Variants in NNT observed in about 807,000 individuals in gnomAD.
NNT encodes NAD(P) transhydrogenase, mitochondrial.
A neutral mutation model predicts 104.8 loss-of-function variants in NNT; 50 were observed. The observed-to-expected ratio is 0.48, with a 90% CI of 0.38 to 0.60. NNT has a LOEUF of 0.60. NNT is among the 20% of genes least tolerant of loss of function. The pLI is 0.00. For synonymous variants in NNT, 461 were observed against 490.4 expected, an observed-to-expected ratio of 0.94 and a Z score of 0.79; for missense variants, 1,131 against 1,330.7, an observed-to-expected ratio of 0.85 and a Z score of 2.33.
At chr5:43,682,296 C>T (rs1482592055) in intron 19 of NNT, among the ~76,000 whole-genome samples, 10 of 146,548 alleles carry the variant, frequency 6.8e-5, no homozygotes, top group South Asian at 2.2e-4. Flanking sequence ...CTGCAACCTC[C>T]GCCTCCTAGG....
chr5:43,698,425 C>T (rs1042851058), intron 19 of NNT, among the ~76,000 whole-genome samples: 9 of 151,904 alleles, frequency 5.9e-5, no homozygotes, highest in African/African-American at 2.2e-4. Context: ...CTACGTGGTT[C>T]CAGTCTGAGT....
rs939619098 is a variant in NNT, at chr5:43,677,920, C to T, written c.2876+114C>T. On this transcript the variant is annotated intron_variant, in intron 19 of 21. Coordinates refer to ENST00000344920, the MANE Select transcript of NNT (RefSeq NM_182977.3). ...GGGTTAGGGCACTGACCCGCCCATA[C>T]AATTAAAAATCCATATATAACTTTT... The T allele has an allele frequency of 4.4e-5, 34 of 764,476 alleles. No individual in the cohort carries two copies. In the African/African-American group the frequency reaches 5.5e-4, roughly 12 times the overall value. 47.4% of individuals were successfully genotyped at this position (764,476 alleles called of 1,614,324 possible). A position where few individuals can be genotyped will look rare whatever the true frequency, so the allele number is the denominator to read the frequency against.
intron 14 of NNT, chr5:43,653,487 G>A: frequency 6.4e-6 from 2 of 314,182 alleles, no homozygotes; most frequent in South Asian, 5.4e-5. Flanking sequence ...TGGGGGATTG[G>A]AATCCTTATG....
chr5:43,670,022 G>T lies in NNT; in HGVS notation c.2635-5489G>T, dbSNP rs1296806002. On this transcript the variant is annotated intron_variant, in intron 17 of 21. Coordinates refer to ENST00000344920, the MANE Select transcript of NNT (RefSeq NM_182977.3). ...GGTTTAGTCTTGGGAGGGTGTATGTGTCCAGGAATTTATCCATTTCTTCTA... is the reference window on the plus strand; with the variant it reads ...GGTTTAGTCTTGGGAGGGTGTATGTTTCCAGGAATTTATCCATTTCTTCTA... 3.9e-5 allele frequency among the ~76,000 whole-genome samples: 6 copies of T among 152,218 alleles called. No homozygotes were observed. In the East Asian group the frequency reaches 1.2e-3, roughly 29 times the overall value.
intron 17 of NNT, among the ~76,000 whole-genome samples, chr5:43,669,039 G>A (rs1740883884): frequency 6.6e-6 from 1 of 152,120 alleles, no homozygotes; most frequent in African/African-American, 2.4e-5. Context: ...TCTCTTTGAA[G>A]CAATTGTGAA....
At chr5:43,676,880 T>C (rs993459142) in intron 18 of NNT, among the ~76,000 whole-genome samples, 1 of 151,994 alleles carries the variant, frequency 6.6e-6, no homozygotes, top group African/African-American at 2.4e-5. Flanking sequence ...ATAGATGGTG[T>C]TGGGATGGGA....
chr5:43,651,236 G>A (rs1554050136), intron 12 of NNT, among the ~76,000 whole-genome samples: 1 of 152,002 alleles, frequency 6.6e-6, no homozygotes, highest in Non-Finnish European at 1.5e-5. Context: ...TATATTTAGT[G>A]TTTTTTCCCC....
In NNT at chr5:43,612,931, G is replaced by A; in HGVS notation, c.175G>A (p.Val59Ile). The A allele has an allele frequency of 1.2e-6, 2 of 1,613,442 alleles. No homozygotes were observed. Among genetic ancestry groups the A allele is most frequent in the Non-Finnish European group, 1.7e-6 (2 of 1,179,482 alleles). The change falls in exon 3 of 22, where the codon GTT (valine) becomes ATT (isoleucine). Residue 59 changes from valine to isoleucine, a missense_variant. Val to Ile is a conservative substitution (Grantham distance 29). Coordinates refer to ENST00000344920, the MANE Select transcript of NNT (RefSeq NM_182977.3). ...KPGIPYKQLT[V>I]GVPKEIFQNE... ...AGGAATTCCATATAAGCAACTGACT[G>A]TTGGAGTCCCCAAAGAGATATTCCA...
At chr5:43,681,851 G>T (rs1741736136) in intron 19 of NNT, among the ~76,000 whole-genome samples, 1 of 152,180 alleles carries the variant, frequency 6.6e-6, no homozygotes, top group Non-Finnish European at 1.5e-5. Flanking sequence ...TTATAGTTAT[G>T]AAGAAATCTC....
intron 6 of NNT, 121 bp downstream of exon 6, chr5:43,624,241 C>G (rs1256839066): frequency 1.2e-6 from 1 of 828,318 alleles, no homozygotes; most frequent in Non-Finnish European, 2.0e-6. Flanking sequence ...AAGCTCTTTC[C>G]ATTTAAAAAT....
At chr5:43,666,969 A>T in intron 17 of NNT, 7 of 1,593,400 alleles carry the variant, frequency 4.4e-6, no homozygotes, top group Non-Finnish European at 5.9e-6. Flanking sequence ...TGCGGCTGAC[A>T]CCCTTTGGGA....
At chr5:43,678,564 G>A (rs536665607) in intron 19 of NNT, among the ~76,000 whole-genome samples, 4 of 152,316 alleles carry the variant, frequency 2.6e-5, no homozygotes, top group South Asian at 4.1e-4. Flanking sequence ...GAGGTCAAGC[G>A]AAGCATTTTA....
intron 19 of NNT, among the ~76,000 whole-genome samples, chr5:43,689,839 A>C (rs1742170775): frequency 6.6e-6 from 1 of 152,228 alleles, no homozygotes; most frequent in Admixed American, 6.5e-5. Flanking sequence ...ACCTCTGGAA[A>C]TTAAGGACAC....
In NNT at chr5:43,644,192, G is replaced by A; in HGVS notation, c.965G>A (p.Gly322Asp). The A allele has an allele frequency of 2.5e-6, 4 of 1,599,948 alleles. No individual in the cohort carries two copies. Among genetic ancestry groups the A allele is most frequent in the Non-Finnish European group, 3.4e-6 (4 of 1,174,718 alleles). Residue 322 changes from glycine (G) to aspartate (D), a missense_variant and splice_region_variant, in exon 8 of 22, where the codon GGT (glycine) becomes GAT (aspartate). Coordinates refer to ENST00000344920, the MANE Select transcript of NNT (RefSeq NM_182977.3). The part of the protein sequence containing the change: ...DILISTALIP[G>D]KKAPVLFNKE... Reference sequence around the variant, plus strand: ...GTGCTGCTTTCTTTGATTTTATTAGGTAAAAAAGCTCCAGTTTTATTTAAT... The same window carrying A: ...GTGCTGCTTTCTTTGATTTTATTAGATAAAAAAGCTCCAGTTTTATTTAAT...
intron 17 of NNT, among the ~76,000 whole-genome samples, chr5:43,669,201 A>G (rs1363165845): frequency 6.6e-6 from 1 of 152,126 alleles, no homozygotes; most frequent in East Asian, 1.9e-4. Context: ...GGGGTTTTCT[A>G]GATATACAAT....
intron 17 of NNT, among the ~76,000 whole-genome samples, chr5:43,672,711 A>T (rs908927935): frequency 6.6e-6 from 1 of 152,228 alleles, no homozygotes; most frequent in Non-Finnish European, 1.5e-5. Flanking sequence ...GGTGCCTCCC[A>T]GTTAGGCTAC....
intron 17 of NNT, chr5:43,666,818 C>G: frequency 1.5e-6 from 2 of 1,361,290 alleles, no homozygotes; most frequent in Non-Finnish European, 2.1e-6. Flanking sequence ...TGAGCTGGAA[C>G]TGAAGCTGGA....
rs1740057104 is a variant in NNT, at chr5:43,656,546, C to T, written c.2294-107C>T. ...ATAATATATGTGAACTAAACAGCAT[C>T]CTCATAATCCTTGGTTAGAGATGAC... is the stretch of plus-strand genomic sequence containing the variant. On this transcript the variant is annotated intron_variant, in intron 15 of 21. Transcript: ENST00000344920. The T allele has an allele frequency of 3.8e-6, 4 of 1,045,414 alleles. No homozygotes were observed. The Admixed American group carries it at 1.1e-4, about 29-fold the overall frequency. The allele number at this position is 1,045,414 out of a possible 1,614,324, so 64.8% of individuals were successfully genotyped here.
At position 43,704,539 on chromosome 5, in the gene NNT, G is replaced by A. The variant is rs1044522730; in HGVS notation, c.*135G>A. The A allele has an allele frequency of 1.2e-6, 1 of 827,730 alleles. No homozygotes were observed. Among genetic ancestry groups the A allele is most frequent in the Non-Finnish European group, 1.8e-6 (1 of 560,094 alleles). 51.3% of individuals were successfully genotyped at this position (827,730 alleles called of 1,614,324 possible). A position where few individuals can be genotyped will look rare whatever the true frequency, so the allele number is the denominator to read the frequency against. Reference sequence around the variant, plus strand: ...GAAAATGAAGACTGAAGAAAGCAAAGCAAAAACTGTATAGAGAGATTTTTC... The same window carrying A: ...GAAAATGAAGACTGAAGAAAGCAAAACAAAAACTGTATAGAGAGATTTTTC... On this transcript the variant is annotated 3_prime_UTR_variant, in exon 22 of 22. Transcript: ENST00000344920.
Sources: gnomAD v4.1 joint callset for allele counts (sites outside exome capture counted in the v4.1 genomes callset) on GRCh38, gnomAD v4.1.1 for gene constraint, MANE v1.5 for transcripts, NCBI Gene and HGNC (gene_info 2026-07-23, HGNC 2026-07-21) for gene names.